Variants in CDH12 observed in about 807,000 individuals in gnomAD.
CDH12 encodes cadherin 12.
A neutral mutation model predicts 74.1 loss-of-function variants in CDH12; 41 were observed. The ratio of observed to expected loss-of-function variants is 0.55; its 90% CI spans 0.43 to 0.72. CDH12 has a LOEUF of 0.72. Among genes scored for constraint, CDH12 ranks in the 30% least tolerant of loss-of-function variants. The pLI is 0.00. For synonymous variants in CDH12, 399 were observed against 355.0 expected (o/e 1.12, Z -1.39); for missense variants, 945 against 977.2 (o/e 0.97, Z 0.44).
At chr5:22,059,333 TATC>T (rs1741008884) in intron 5 of CDH12, among the ~76,000 whole-genome samples, 1 of 145,016 alleles carries the variant, frequency 6.9e-6, no homozygotes, top group Non-Finnish European at 1.5e-5. Context: ...ATCGTCTATC[TATC>T]ATCTATCTAT....
chr5:22,821,451 G>C (rs954553376), intron 1 of CDH12, among the ~76,000 whole-genome samples: 2 of 152,280 alleles, frequency 1.3e-5, no homozygotes, highest in South Asian at 2.1e-4. Flanking sequence ...AATTGTCCCT[G>C]TTTGGAGATG....
At chr5:22,693,296 T>C (rs546082495) in intron 1 of CDH12, among the ~76,000 whole-genome samples, 2 of 152,342 alleles carry the variant, frequency 1.3e-5, no homozygotes, top group South Asian at 4.1e-4. Flanking sequence ...CCATATGCAG[T>C]GCTAAGTGCG....
At chr5:22,245,377 C>T (rs1019186186) in intron 3 of CDH12, among the ~76,000 whole-genome samples, 1 of 151,872 alleles carries the variant, frequency 6.6e-6, no homozygotes, top group Admixed American at 6.6e-5. Flanking sequence ...GTCTATAGAA[C>T]CTCAGGATGG....
At chr5:21,980,503 A>T (rs1421443103) in intron 5 of CDH12, among the ~76,000 whole-genome samples, 1 of 152,106 alleles carries the variant, frequency 6.6e-6, no homozygotes, top group Non-Finnish European at 1.5e-5. Flanking sequence ...TGTGTCCTTT[A>T]AAATGACTTC....
intron 1 of CDH12, among the ~76,000 whole-genome samples, chr5:22,636,469 G>A (rs1738847040): frequency 6.6e-6 from 1 of 152,222 alleles, no homozygotes; most frequent in Admixed American, 6.5e-5. Context: ...TCCAAACAAT[G>A]GCGTATTCTT....
chr5:21,853,376 T>C (rs1195267142), intron 7 of CDH12, among the ~76,000 whole-genome samples: 1 of 151,560 alleles, frequency 6.6e-6, no homozygotes, highest in Non-Finnish European at 1.5e-5. Flanking sequence ...TTAGTGGAGT[T>C]CTCGAAGGAC....
At chr5:22,207,475 A>G (rs34789233) in intron 4 of CDH12, among the ~76,000 whole-genome samples, 55,912 of 152,006 alleles carry the variant, frequency 0.37, 11,804 homozygotes, top group East Asian at 0.73. Flanking sequence ...CTGTATTCCA[A>G]CCAAACTCTA....
At chr5:21,962,816 A>C (rs4028741) in intron 6 of CDH12, among the ~76,000 whole-genome samples, 1 of 152,168 alleles carries the variant, frequency 6.6e-6, no homozygotes, top group African/African-American at 2.4e-5. Context: ...TGGAATATTC[A>C]GTAAAATATC....
intron 3 of CDH12, among the ~76,000 whole-genome samples, chr5:22,213,031 T>C (rs899353844): frequency 2.0e-5 from 3 of 152,264 alleles, no homozygotes; most frequent in African/African-American, 7.2e-5. Flanking sequence ...TGCCTTCGTG[T>C]AAGATATTAG....
chr5:22,800,787 G>A (rs768011393), intron 1 of CDH12, among the ~76,000 whole-genome samples: 9 of 151,658 alleles, frequency 5.9e-5, no homozygotes, highest in Admixed American at 6.6e-5. Flanking sequence ...TATATTCTAA[G>A]TCATATAATA....
intron 5 of CDH12, among the ~76,000 whole-genome samples, chr5:21,992,250 G>GA: frequency 6.6e-6 from 1 of 151,940 alleles, no homozygotes; most frequent in African/African-American, 2.4e-5. Context: ...ATGCAAAAAC[G>GA]AAAAAAATAG....
At chr5:21,798,679 TTCTC>T (rs1443472575) in intron 10 of CDH12, among the ~76,000 whole-genome samples, 2 of 152,282 alleles carry the variant, frequency 1.3e-5, no homozygotes, top group African/African-American at 4.8e-5. Flanking sequence ...ACAGCTCTCT[TTCTC>T]TTTCTGCTGT....
intron 1 of CDH12, among the ~76,000 whole-genome samples, chr5:22,679,619 A>G (rs550718184): frequency 6.6e-6 from 1 of 152,226 alleles, no homozygotes; most frequent in East Asian, 1.9e-4. Flanking sequence ...CTTGGATAGT[A>G]GAAATATTGT....
At chr5:22,697,586 A>AAAAG (rs1742446705) in intron 1 of CDH12, among the ~76,000 whole-genome samples, 1 of 151,344 alleles carries the variant, frequency 6.6e-6, no homozygotes, top group African/African-American at 2.4e-5. Context: ...AAAAAAAAAA[A>AAAAG]AAAGAAAGAA....
chr5:22,057,757 G>A (rs1740842698), intron 5 of CDH12, among the ~76,000 whole-genome samples: 1 of 152,112 alleles, frequency 6.6e-6, no homozygotes. Context: ...CAATTACATG[G>A]AAACTCATAG....
At chr5:22,705,377 C>CTGA (rs1200045965) in intron 1 of CDH12, among the ~76,000 whole-genome samples, 13 of 151,918 alleles carry the variant, frequency 8.6e-5, no homozygotes, top group Admixed American at 7.9e-4. Flanking sequence ...GTCATCTAAC[C>CTGA]CTCAGCTCCT....
intron 2 of CDH12, among the ~76,000 whole-genome samples, chr5:22,469,107 A>T (rs1745855660): frequency 6.6e-6 from 1 of 152,188 alleles, no homozygotes; most frequent in African/African-American, 2.4e-5. Flanking sequence ...AAAAATTATC[A>T]TCATCAAGAA....
chr5:21,864,118 A>G (rs929704952), intron 6 of CDH12, among the ~76,000 whole-genome samples: 2 of 145,718 alleles, frequency 1.4e-5, no homozygotes, highest in African/African-American at 5.2e-5. Context: ...GAAATGTAAA[A>G]CAGAAAGAAT....
chr5:22,520,988 T>A (rs1031938845), intron 1 of CDH12, among the ~76,000 whole-genome samples: 3 of 144,960 alleles, frequency 2.1e-5, no homozygotes, highest in Non-Finnish European at 4.5e-5. Context: ...TCTTTCTTTC[T>A]TTCTTTTTTT....
Sources: allele counts gnomAD v4.1 joint callset (sites outside exome capture counted in the v4.1 genomes callset), GRCh38; gene constraint gnomAD v4.1.1; transcripts MANE v1.5; gene names NCBI Gene and HGNC (gene_info 2026-07-23, HGNC 2026-07-21).